The following CTCF variants were observed in gnomAD, a reference collection of about 807,000 sequenced individuals.
CTCF encodes CCCTC-binding factor.
Under a neutral mutation model 72.3 loss-of-function variants are expected in CTCF, and 7 were observed. That is an observed-to-expected ratio of 0.10 (90% CI 0.06 to 0.18). The LOEUF (loss-of-function observed/expected upper bound fraction) is 0.18, where lower values mean the gene tolerates loss of function less well. CTCF is among the 10% of genes least tolerant of loss of function. CTCF has a pLI of 1.00. For synonymous variants in CTCF, 374 were observed against 315.8 expected, an observed-to-expected ratio of 1.18 and a Z score of -1.95; for missense variants, 516 against 949.1, an observed-to-expected ratio of 0.54 and a Z score of 6.00.
intron 2 of CTCF, among the ~76,000 whole-genome samples, chr16:67,604,574 C>G (rs917248520): frequency 7.2e-5 from 11 of 152,218 alleles, no homozygotes; most frequent in Non-Finnish European, 2.9e-5. Context: ...ATCTCCTGAC[C>G]TCATGATCCA....
chr16:67,627,136 G>T (rs930644555), intron 8 of CTCF: 15 of 153,240 alleles, frequency 9.8e-5, no homozygotes, highest in African/African-American at 3.6e-4. Flanking sequence ...GCTCACACCT[G>T]TAATCCTAGC....
chr16:67,630,119 A>G (rs1473448261), intron 10 of CTCF, among the ~76,000 whole-genome samples: 2 of 151,998 alleles, frequency 1.3e-5, no homozygotes, highest in Admixed American at 6.6e-5. Flanking sequence ...AGCAAAATTA[A>G]TATTTTTATT....
intron 7 of CTCF, among the ~76,000 whole-genome samples, chr16:67,622,096 C>T (rs1264581593): frequency 6.6e-6 from 1 of 152,118 alleles, no homozygotes; most frequent in Non-Finnish European, 1.5e-5. Context: ...GCAGCTCACA[C>T]CTGTAATCCC....
Position 67,629,532 on chromosome 16 carries a change from T to C in CTCF, c.1836T>C (p.Ser612=). The change falls in exon 10 of 12, where the codon AGT becomes AGC. Residue 612 remains serine, a splice_region_variant and synonymous_variant. Transcript: ENST00000264010. ...MRSKKEDSSD[S]ENAEPDLDDN... Reference sequence around the variant, plus strand: ...CTAAGAAAGAAGATTCCTCTGACAGTGGTAAGTGACTTGTTCCTTGATTTG... The same window carrying C: ...CTAAGAAAGAAGATTCCTCTGACAGCGGTAAGTGACTTGTTCCTTGATTTG... The C allele has an allele frequency of 6.2e-7, 1 of 1,612,876 alleles. No homozygotes were observed. Among genetic ancestry groups the C allele is most frequent in the Non-Finnish European group, 8.5e-7 (1 of 1,179,618 alleles).
intron 2 of CTCF, among the ~76,000 whole-genome samples, chr16:67,578,342 T>C (rs1343734526): frequency 6.7e-6 from 1 of 148,618 alleles, no homozygotes; most frequent in Admixed American, 6.7e-5. Flanking sequence ...TTTTTTTTTT[T>C]TTTTTTTTGA....
intron 1 of CTCF, among the ~76,000 whole-genome samples, chr16:67,570,455 GT>G (rs560197054): frequency 6.6e-5 from 8 of 120,744 alleles, no homozygotes; most frequent in Admixed American, 8.2e-5. Context: ...GTTTTGTTTT[GT>G]TTTTTTTTTT....
At chr16:67,578,664 T>C (rs1406644511) in intron 2 of CTCF, among the ~76,000 whole-genome samples, 1 of 151,122 alleles carries the variant, frequency 6.6e-6, no homozygotes, top group Non-Finnish European at 1.5e-5. Context: ...AAAGCACAAA[T>C]AGGCCGGGCA....
intron 2 of CTCF, among the ~76,000 whole-genome samples, chr16:67,599,065 A>G (rs1222540787): frequency 1.3e-5 from 2 of 152,202 alleles, no homozygotes; most frequent in African/African-American, 4.8e-5. Context: ...TTTAAGCAAC[A>G]TAGAGCTAGC....
At chr16:67,621,704 G>T in intron 7 of CTCF, 113 bp downstream of exon 7, 1 of 685,472 alleles carries the variant, frequency 1.5e-6, no homozygotes. Context: ...TTTATGTATA[G>T]GAATGGCCTG....
intron 7 of CTCF, among the ~76,000 whole-genome samples, chr16:67,624,071 A>ATATGTGTGTGTGTGTG (rs71382019): frequency 8.5e-5 from 10 of 117,614 alleles, no homozygotes; most frequent in African/African-American, 3.1e-4. Context: ...AAAATTATAT[A>ATATGTGTGTGTGTGTG]TGTGTGTGTG....
chr16:67,632,074 C>CAAAAAAA (rs556248338), intron 10 of CTCF, among the ~76,000 whole-genome samples: 11,394 of 95,188 alleles, frequency 0.12, 515 homozygotes, highest in Middle Eastern at 0.2. Context: ...ACCCTGTCTC[C>CAAAAAAA]AAAAAAAAAA....
chr16:67,578,491 C>T (rs1331808016), intron 2 of CTCF, among the ~76,000 whole-genome samples: 1 of 151,646 alleles, frequency 6.6e-6, no homozygotes, highest in Non-Finnish European at 1.5e-5. Flanking sequence ...TGCGGCCATG[C>T]CCAGCGAATT....
Position 67,616,773 on chromosome 16 carries a change from C to T in CTCF, c.981C>T (p.Cys327=), listed in dbSNP as rs1399599742. The T allele has an allele frequency of 1.1e-5, 18 of 1,614,014 alleles. No homozygotes were observed. The highest frequency in any genetic ancestry group is 1.6e-4 in the Middle Eastern group (1 of 6,084). ...CTCGTCCTCACAAGTGCCCAGACTGCGACATGGCCTTTGTGACCAGTGGAG... is the reference window on the plus strand; with the variant it reads ...CTCGTCCTCACAAGTGCCCAGACTGTGACATGGCCTTTGTGACCAGTGGAG... ...TGTRPHKCPD[C]DMAFVTSGEL... The change falls in exon 5 of 12, where the codon TGC becomes TGT. Residue 327 remains cysteine (C), a synonymous_variant. Coordinates refer to ENST00000264010, the MANE Select transcript of CTCF (RefSeq NM_006565.4).
intron 2 of CTCF, among the ~76,000 whole-genome samples, chr16:67,573,298 G>A (rs1426772573): frequency 6.6e-6 from 1 of 151,744 alleles, no homozygotes; most frequent in Non-Finnish European, 1.5e-5. Flanking sequence ...GTGTGGTGGT[G>A]CGTGCCTGTA....
At chr16:67,574,923 C>T (rs1383592972) in intron 2 of CTCF, among the ~76,000 whole-genome samples, 3 of 152,028 alleles carry the variant, frequency 2.0e-5, no homozygotes, top group Non-Finnish European at 2.9e-5. Flanking sequence ...TCCCAAAGTG[C>T]TGGGATTACA....
intron 2 of CTCF, among the ~76,000 whole-genome samples, chr16:67,604,606 G>GGCCA (rs1408735591): frequency 2.0e-5 from 3 of 152,008 alleles, no homozygotes; most frequent in African/African-American, 4.8e-5. Flanking sequence ...CTCCCAAAGT[G>GGCCA]TTGGGATTAC....
intron 7 of CTCF, among the ~76,000 whole-genome samples, chr16:67,625,768 G>A (rs1368803794): frequency 6.6e-6 from 1 of 151,966 alleles, no homozygotes. Context: ...AATTCAGCAT[G>A]TCTAAAACTG....
chr16:67,586,893 C>G (rs1045980217), intron 2 of CTCF, among the ~76,000 whole-genome samples: 13 of 151,926 alleles, frequency 8.6e-5, no homozygotes, highest in Admixed American at 2.0e-4. Flanking sequence ...TCCTGGGCGC[C>G]TGCAATCCTC....
chr16:67,591,411 A>G (rs1344431026), intron 2 of CTCF, among the ~76,000 whole-genome samples: 4 of 152,190 alleles, frequency 2.6e-5, no homozygotes, highest in African/African-American at 7.2e-5. Flanking sequence ...AATGGTCACT[A>G]TTATTTTTCT....
Sources: gnomAD v4.1 joint callset for allele counts (sites outside exome capture counted in the v4.1 genomes callset) on GRCh38, gnomAD v4.1.1 for gene constraint, MANE v1.5 for transcripts, NCBI Gene and HGNC (gene_info 2026-07-23, HGNC 2026-07-21) for gene names.